B3GALT1: variants seen among roughly 807,000 people sequenced by gnomAD.
B3GALT1 encodes the protein UDP-Gal:betaGlcNAc beta 1,3-galactosyltransferase, polypeptide 1.
A neutral mutation model predicts 23.2 loss-of-function variants in B3GALT1; 10 were observed. That is an observed-to-expected ratio of 0.43 (90% CI 0.27 to 0.73). B3GALT1 has a LOEUF of 0.73. B3GALT1 is among the 30% of genes least tolerant of loss of function. The pLI, the probability that B3GALT1 is intolerant of heterozygous loss-of-function variation, is 0.21. For synonymous variants in B3GALT1, 156 were observed against 141.5 expected (o/e 1.10, Z -0.73); for missense variants, 299 against 405.4 (o/e 0.74, Z 2.25).
rs61261864 is a variant in B3GALT1 at position 167,410,490 on chromosome 2, CAAAAAAAAAA to C, written c.-510-79674_-510-79665del. Reference sequence around the variant, plus strand: ...TGGGCGACAGAGCGAGACTCCATCTCAAAAAAAAAAAAAAAAAAAAAAGTGGGAGTTCAAC... The same window carrying C: ...TGGGCGACAGAGCGAGACTCCATCTCAAAAAAAAAAAAGTGGGAGTTCAAC... On this transcript the variant is annotated intron_variant, in intron 1 of 4. Transcript: ENST00000392690. Among the ~76,000 whole-genome samples the C allele has an allele frequency of 1.3e-4, 14 of 111,714 alleles. No individual in the cohort carries two copies. The South Asian group carries it at 1.6e-3, about 12-fold the overall frequency. 73.3% of individuals were successfully genotyped at this position (111,714 alleles called of 152,430 possible).
At chr2:167,650,135 A>AT (rs1486996247) in intron 3 of B3GALT1, among the ~76,000 whole-genome samples, 7 of 151,426 alleles carry the variant, frequency 4.6e-5, no homozygotes, top group African/African-American at 1.2e-4. Context: ...ATAGTATTAG[A>AT]TTTTTTCAAA....
At chr2:167,536,708 C>T (rs944982007) in intron 2 of B3GALT1, among the ~76,000 whole-genome samples, 1 of 152,092 alleles carries the variant, frequency 6.6e-6, no homozygotes, top group East Asian at 1.9e-4. Flanking sequence ...CAGGATATGT[C>T]CCCCTAAAGA....
chr2:167,331,437 G>A (rs895503393), intron 1 of B3GALT1, among the ~76,000 whole-genome samples: 3 of 152,136 alleles, frequency 2.0e-5, no homozygotes, highest in Non-Finnish European at 4.4e-5. Context: ...TAGCAGTGTT[G>A]GGACAACCCT....
intron 4 of B3GALT1, among the ~76,000 whole-genome samples, chr2:167,827,665 T>C (rs114053345): frequency 2.2e-4 from 34 of 152,310 alleles, no homozygotes; most frequent in Non-Finnish European, 8.8e-5. Context: ...TGTTTGCATA[T>C]GGCCTCGGAT....
chr2:167,811,284 A>G (rs1453440352), intron 3 of B3GALT1, among the ~76,000 whole-genome samples: 4 of 152,350 alleles, frequency 2.6e-5, no homozygotes, highest in East Asian at 3.9e-4. Context: ...GTTTTTGAGC[A>G]TGAGTTCTAA....
At chr2:167,652,909 C>T (rs751846662) in intron 3 of B3GALT1, among the ~76,000 whole-genome samples, 1 of 151,974 alleles carries the variant, frequency 6.6e-6, no homozygotes, top group Non-Finnish European at 1.5e-5. Flanking sequence ...ATAAGAAAAA[C>T]GAAGTTGTTT....
chr2:167,573,361 T>C (rs1241138406), intron 2 of B3GALT1, among the ~76,000 whole-genome samples: 2 of 151,770 alleles, frequency 1.3e-5, no homozygotes, highest in South Asian at 4.1e-4. Flanking sequence ...ATTATTGAAT[T>C]CTGTTTGACA....
intron 2 of B3GALT1, among the ~76,000 whole-genome samples, chr2:167,598,413 G>A (rs577187153): frequency 1.6e-4 from 25 of 152,230 alleles, no homozygotes; most frequent in African/African-American, 4.3e-4. Context: ...CAGGGAGACA[G>A]CCAATGTGAG....
intron 4 of B3GALT1, among the ~76,000 whole-genome samples, chr2:167,839,634 C>T (rs1451199830): frequency 1.3e-3 from 200 of 152,378 alleles, no homozygotes; most frequent in African/African-American, 4.4e-3. Context: ...ATGCCATCCC[C>T]ATCAAGCTAC....
At chr2:167,392,739 T>C (rs1481498699) in intron 1 of B3GALT1, among the ~76,000 whole-genome samples, 1 of 152,118 alleles carries the variant, frequency 6.6e-6, no homozygotes, top group African/African-American at 2.4e-5. Context: ...CAAAAGAAGA[T>C]TAAAACTTAA....
At chr2:167,678,321 T>A (rs538639234) in intron 3 of B3GALT1, among the ~76,000 whole-genome samples, 1 of 152,026 alleles carries the variant, frequency 6.6e-6, no homozygotes, top group Non-Finnish European at 1.5e-5. Flanking sequence ...AATAATCCTA[T>A]GAGATAAGTA....
At chr2:167,536,119 C>T (rs2105370838) in intron 2 of B3GALT1, among the ~76,000 whole-genome samples, 1 of 152,198 alleles carries the variant, frequency 6.6e-6, no homozygotes, top group Middle Eastern at 3.4e-3. Flanking sequence ...GTTGATCAGG[C>T]TGGTGTCAAA....
At chr2:167,556,895 G>A (rs1179536107) in intron 2 of B3GALT1, among the ~76,000 whole-genome samples, 1 of 152,156 alleles carries the variant, frequency 6.6e-6, no homozygotes, top group Non-Finnish European at 1.5e-5. Context: ...AAACCTAGGA[G>A]GTAGGTAATG....
chr2:167,608,196 C>T (rs1373797517), intron 2 of B3GALT1, among the ~76,000 whole-genome samples: 1 of 152,112 alleles, frequency 6.6e-6, no homozygotes, highest in African/African-American at 2.4e-5. Flanking sequence ...GACGAATTAA[C>T]AACCTTGGCT....
intron 3 of B3GALT1, among the ~76,000 whole-genome samples, chr2:167,729,350 C>G (rs1445055302): frequency 6.6e-6 from 1 of 152,216 alleles, no homozygotes; most frequent in Non-Finnish European, 1.5e-5. Context: ...CATTACTATG[C>G]TTCCCCTGCC....
intron 2 of B3GALT1, among the ~76,000 whole-genome samples, chr2:167,644,063 A>T (rs372658850): frequency 5.6e-4 from 85 of 152,346 alleles, no homozygotes; most frequent in African/African-American, 1.9e-3. Context: ...AAGATAAAAG[A>T]GCACAAAATA....
intron 4 of B3GALT1, chr2:167,862,751 G>A (rs1387362799): frequency 6.6e-6 from 1 of 152,166 alleles, no homozygotes; most frequent in Admixed American, 6.5e-5. Flanking sequence ...AATTCTGTGG[G>A]TTTCTTGAAA....
chr2:167,602,704 G>A (rs1310199332), intron 2 of B3GALT1, among the ~76,000 whole-genome samples: 2 of 152,086 alleles, frequency 1.3e-5, no homozygotes, highest in African/African-American at 4.8e-5. Flanking sequence ...CATGTTACCT[G>A]TGGTTTGTTA....
intron 1 of B3GALT1, among the ~76,000 whole-genome samples, chr2:167,344,260 T>C (rs16853464): frequency 0.038 from 5,835 of 152,238 alleles, 326 homozygotes; most frequent in African/African-American, 0.12. Context: ...CAAACTTTTA[T>C]CTACTCGCCC....
Sources: gnomAD v4.1 joint callset for allele counts (sites outside exome capture counted in the v4.1 genomes callset) on GRCh38, gnomAD v4.1.1 for gene constraint, MANE v1.5 for transcripts, NCBI Gene and HGNC (gene_info 2026-07-23, HGNC 2026-07-21) for gene names.